Variants in ADGRB3 observed in about 807,000 individuals in gnomAD.
ADGRB3 encodes the protein brain-specific angiogenesis inhibitor 3.
Under a neutral mutation model 193.4 loss-of-function variants are expected in ADGRB3, and 37 were observed. The observed-to-expected ratio is 0.19, with a 90% CI of 0.15 to 0.25. ADGRB3 has a LOEUF of 0.25. ADGRB3 is among the 10% of genes least tolerant of loss of function. ADGRB3 has a pLI of 1.00. For synonymous variants in ADGRB3, 690 were observed against 644.2 expected, an observed-to-expected ratio of 1.07 and a Z score of -1.08; for missense variants, 1,637 against 1,852.9, an observed-to-expected ratio of 0.88 and a Z score of 2.14.
chr6:69,308,398 G>A (rs1768109487), intron 20 of ADGRB3, among the ~76,000 whole-genome samples: 1 of 149,784 alleles, frequency 6.7e-6, no homozygotes, highest in Admixed American at 6.6e-5. Flanking sequence ...GAGGAATTGA[G>A]GAAGATATGG....
rs201533981 is a variant in ADGRB3 at position 68,873,452 on chromosome 6, C to T, written c.758-57107C>T. ...CCATTAATCCCTGGGGAAGAAATAA[C>T]TGGGGCAAAATTTAATATAACAGAT... On this transcript the variant is annotated intron_variant, in intron 3 of 31. Transcript: ENST00000370598. Among the ~76,000 whole-genome samples the T allele has an allele frequency of 2.0e-4, 30 of 152,104 alleles. No homozygotes were observed. In the East Asian group the frequency reaches 5.8e-3, roughly 29 times the overall value.
intron 20 of ADGRB3, among the ~76,000 whole-genome samples, chr6:69,276,806 A>T (rs1409995761): frequency 1.3e-5 from 2 of 151,972 alleles, no homozygotes; most frequent in Non-Finnish European, 1.5e-5. Context: ...GTAAGAGGAA[A>T]CTTTTTGAGG....
At chr6:69,240,687 A>G (rs1410781603) in intron 20 of ADGRB3, among the ~76,000 whole-genome samples, 1 of 152,000 alleles carries the variant, frequency 6.6e-6, no homozygotes, top group Non-Finnish European at 1.5e-5. Context: ...GATAGGAAGG[A>G]AGTAGAGATA....
At chr6:69,203,150 G>A (rs1765466627) in intron 17 of ADGRB3, among the ~76,000 whole-genome samples, 1 of 152,034 alleles carries the variant, frequency 6.6e-6, no homozygotes, top group East Asian at 1.9e-4. Flanking sequence ...AAACAAAAAA[G>A]CTACTTTTGA....
intron 20 of ADGRB3, among the ~76,000 whole-genome samples, chr6:69,312,963 A>C (rs1396759117): frequency 6.6e-6 from 1 of 151,840 alleles, no homozygotes; most frequent in Non-Finnish European, 1.5e-5. Context: ...AACACTTTAC[A>C]CTTATTATAA....
At chr6:69,182,045 A>G (rs1775598461) in intron 17 of ADGRB3, among the ~76,000 whole-genome samples, 1 of 152,178 alleles carries the variant, frequency 6.6e-6, no homozygotes, top group South Asian at 2.1e-4. Flanking sequence ...TCCCAACCTC[A>G]GGACTTTTGA....
At chr6:68,799,448 A>G (rs1767272043) in intron 3 of ADGRB3, among the ~76,000 whole-genome samples, 2 of 152,216 alleles carry the variant, frequency 1.3e-5, no homozygotes, top group South Asian at 4.1e-4. Context: ...ATTATTTACT[A>G]TATTCCAATT....
chr6:69,082,724 T>G (rs1204731857), intron 17 of ADGRB3, among the ~76,000 whole-genome samples: 1 of 152,172 alleles, frequency 6.6e-6, no homozygotes, highest in African/African-American at 2.4e-5. Flanking sequence ...TTGTAATCTG[T>G]GGCTGACATG....
At chr6:69,091,327 A>C (rs1001401765) in intron 17 of ADGRB3, among the ~76,000 whole-genome samples, 1 of 152,212 alleles carries the variant, frequency 6.6e-6, no homozygotes, top group African/African-American at 2.4e-5. Context: ...TTATTATAAA[A>C]ACACATGCAT....
intron 3 of ADGRB3, among the ~76,000 whole-genome samples, chr6:68,851,487 G>C (rs966516924): frequency 1.2e-4 from 18 of 151,752 alleles, no homozygotes; most frequent in African/African-American, 4.1e-4. Flanking sequence ...ATTATCAAAT[G>C]ATTATCCAAA....
At chr6:68,980,421 G>A (rs1266514633) in intron 10 of ADGRB3, among the ~76,000 whole-genome samples, 1 of 151,426 alleles carries the variant, frequency 6.6e-6, no homozygotes, top group African/African-American at 2.4e-5. Flanking sequence ...GAGAATATTT[G>A]CTTTCCTTTT....
At chr6:68,830,567 A>AT (rs956980712) in intron 3 of ADGRB3, among the ~76,000 whole-genome samples, 2 of 152,112 alleles carry the variant, frequency 1.3e-5, no homozygotes, top group African/African-American at 4.8e-5. Context: ...TTTCACTGGC[A>AT]TTTTTTATTG....
At chr6:69,383,869 T>C (rs936436945) in intron 31 of ADGRB3, among the ~76,000 whole-genome samples, 4 of 152,020 alleles carry the variant, frequency 2.6e-5, no homozygotes, top group Non-Finnish European at 4.4e-5. Flanking sequence ...CTTTGCCTCA[T>C]ACTCTTTGCG....
At chr6:69,200,801 A>C (rs1765403537) in intron 17 of ADGRB3, among the ~76,000 whole-genome samples, 1 of 152,126 alleles carries the variant, frequency 6.6e-6, no homozygotes, top group African/African-American at 2.4e-5. Context: ...GCCAACTCCT[A>C]CATCCCCAAA....
At chr6:69,148,134 G>T (rs1052343240) in intron 17 of ADGRB3, among the ~76,000 whole-genome samples, 25 of 152,070 alleles carry the variant, frequency 1.6e-4, no homozygotes, top group African/African-American at 6.0e-4. Context: ...TACGTTCAAT[G>T]TTATTGATAA....
intron 17 of ADGRB3, among the ~76,000 whole-genome samples, chr6:69,218,220 A>AACG (rs1332013123): frequency 6.6e-6 from 1 of 152,198 alleles, no homozygotes; most frequent in Non-Finnish European, 1.5e-5. Context: ...TGAACCCATT[A>AACG]ACGTCAGGAC....
chr6:69,110,030 C>T (rs1773327038), intron 17 of ADGRB3, among the ~76,000 whole-genome samples: 1 of 151,070 alleles, frequency 6.6e-6, no homozygotes, highest in African/African-American at 2.4e-5. Flanking sequence ...TCACTGCAAC[C>T]TCCACCTCCC....
chr6:69,382,300 G>A (rs1333866451), intron 30 of ADGRB3, among the ~76,000 whole-genome samples: 2 of 151,856 alleles, frequency 1.3e-5, no homozygotes, highest in East Asian at 3.9e-4. Context: ...GAAAATGCAA[G>A]GTTTTACATC....
rs1183027947 is a variant in ADGRB3 at position 69,239,154 on chromosome 6, AATT to A, written c.2744_2746del (p.Ile915del). ...TACGCTCTGAGAGATCCATAATACT[AATT>A]AACTTCTGCCTGTCTATCATCTCAT... On this transcript the variant is annotated inframe_deletion, in exon 20 of 32. Transcript: ENST00000370598. 1 of 1,604,078 alleles carries A rather than the reference AATT, an allele frequency of 6.2e-7. No individual in the cohort carries two copies. The highest frequency in any genetic ancestry group is 8.5e-7 in the Non-Finnish European group (1 of 1,171,636).
Sources: allele counts gnomAD v4.1 joint callset (sites outside exome capture counted in the v4.1 genomes callset), GRCh38; gene constraint gnomAD v4.1.1; transcripts MANE v1.5; gene names NCBI Gene and HGNC (gene_info 2026-07-23, HGNC 2026-07-21).